PRPSAP1: variants seen among roughly 807,000 people sequenced by gnomAD.
PRPSAP1 encodes phosphoribosyl pyrophosphate synthetase associated protein 1, also known as phosphoribosyl pyrophosphate synthase-associated protein 1.
A neutral mutation model predicts 39.4 loss-of-function variants in PRPSAP1; 31 were observed. The ratio of observed to expected loss-of-function variants is 0.79; its 90% CI spans 0.59 to 1.06. The LOEUF (loss-of-function observed/expected upper bound fraction) is 1.06. Ranked by LOEUF, PRPSAP1 falls within the 50% of genes least tolerant of loss-of-function variation. The probability of loss-of-function intolerance (pLI) is 0.00; values close to 1 mark genes in which losing one functional copy is unlikely to be tolerated. For missense variants in PRPSAP1, 430 were observed against 511.6 expected (o/e 0.84, Z 1.54); for synonymous variants, 212 against 192.6 (o/e 1.10, Z -0.83).
At chr17:76,317,504 C>G (rs557207172) in intron 7 of PRPSAP1, among the ~76,000 whole-genome samples, 1 of 152,282 alleles carries the variant, frequency 6.6e-6, no homozygotes, top group African/African-American at 2.4e-5. Flanking sequence ...GCCTGGGTGA[C>G]AGAACGAGAC....
chr17:76,323,916 C>T (rs1449159798), intron 7 of PRPSAP1, among the ~76,000 whole-genome samples: 2 of 151,594 alleles, frequency 1.3e-5, no homozygotes, highest in African/African-American at 2.4e-5. Context: ...GAGGCCGAGG[C>T]GGGCAGATCA....
intron 2 of PRPSAP1, among the ~76,000 whole-genome samples, chr17:76,348,101 T>G (rs2071529658): frequency 6.6e-6 from 1 of 152,054 alleles, no homozygotes; most frequent in African/African-American, 2.4e-5. Flanking sequence ...GTGGGAAGAC[T>G]GCTTGAGCTC....
intron 4 of PRPSAP1, among the ~76,000 whole-genome samples, chr17:76,331,368 T>C (rs978484060): frequency 3.9e-5 from 6 of 152,232 alleles, no homozygotes; most frequent in Non-Finnish European, 8.8e-5. Flanking sequence ...CATCTGGATC[T>C]ATGGGTTCCA....
intron 3 of PRPSAP1, among the ~76,000 whole-genome samples, chr17:76,339,346 A>G (rs1001433214): frequency 8.6e-5 from 13 of 151,560 alleles, no homozygotes; most frequent in African/African-American, 3.2e-4. Context: ...CAGAGGTTGC[A>G]GTGAGCCGAG....
chr17:76,333,630 G>A (rs139489880), intron 3 of PRPSAP1, among the ~76,000 whole-genome samples: 1 of 151,614 alleles, frequency 6.6e-6, no homozygotes, highest in African/African-American at 2.4e-5. Context: ...GGGCAACAGA[G>A]TGAGGCTCTG....
intron 3 of PRPSAP1, among the ~76,000 whole-genome samples, chr17:76,334,294 C>A (rs1235403826): frequency 6.6e-6 from 1 of 152,224 alleles, no homozygotes; most frequent in South Asian, 2.1e-4. Flanking sequence ...ATCAGCTCTA[C>A]ACTGACACGT....
Position 76,328,785 on chromosome 17 carries a change from A to AT in PRPSAP1, c.712dup (p.Met238AsnfsTer49). 6 of 1,614,178 alleles carry AT rather than the reference A, an allele frequency of 3.7e-6. No homozygotes were observed. In the South Asian group the frequency reaches 5.5e-5, roughly 15 times the overall value. On this transcript the variant is annotated frameshift_variant, in exon 7 of 10. Transcript: ENST00000446526. LOFTEE classifies it high-confidence loss of function. ...AGGCGGGGAGTGACGACCATCGTCC[A>AT]TGTCCAGTTCCGTGCACTGAGCTTC... is the stretch of plus-strand genomic sequence containing the variant.
chr17:76,325,219 C>A lies in PRPSAP1; in HGVS notation c.781+3498G>T, dbSNP rs1244644595. ...GGTCAGGAGATGGAGACCATCCTGG[C>A]TAACTCGGTGAAATGCCGTCTCTAC... On this transcript the variant is annotated intron_variant, in intron 7 of 9. Coordinates refer to ENST00000446526, the MANE Select transcript of PRPSAP1 (RefSeq NM_002766.3). Among the ~76,000 whole-genome samples the A allele has an allele frequency of 5.3e-5, 8 of 151,462 alleles. No homozygotes were observed. In the East Asian group the frequency reaches 1.6e-3, roughly 30 times the overall value.
chr17:76,353,336 C>A (rs1234661771), intron 1 of PRPSAP1, 198 bp downstream of exon 1: 1 of 561,842 alleles, frequency 1.8e-6, no homozygotes, highest in Non-Finnish European at 3.0e-6. Flanking sequence ...ACCGAGAGTC[C>A]GCCCCAAGCC....
intron 6 of PRPSAP1, 30 bp from the exon 7 acceptor site, chr17:76,328,892 G>T: frequency 1.3e-6 from 2 of 1,583,398 alleles, no homozygotes; most frequent in South Asian, 2.3e-5. Flanking sequence ...TGGTGAAACT[G>T]ACAGGAAGAA....
In PRPSAP1 at chr17:76,353,783, G is replaced by T; in HGVS notation, c.-80C>A. ...GCTTCCGACTGCGAGACCCCGGTTT[G>T]GGTGGGGAAGGCGCTGAGAAACTCG... On this transcript the variant is annotated 5_prime_UTR_variant, in exon 1 of 10. Coordinates refer to ENST00000446526, the MANE Select transcript of PRPSAP1 (RefSeq NM_002766.3). The T allele has an allele frequency of 7.2e-7, 1 of 1,393,604 alleles. No homozygotes were observed. The highest frequency in any genetic ancestry group is 1.6e-5 in the South Asian group (1 of 62,986). The allele number at this position is 1,393,604 out of a possible 1,614,324, so 86.3% of individuals were successfully genotyped here.
chr17:76,338,410 T>C (rs1256589072), intron 3 of PRPSAP1, among the ~76,000 whole-genome samples: 1 of 152,088 alleles, frequency 6.6e-6, no homozygotes, highest in Non-Finnish European at 1.5e-5. Context: ...GCAGATAATA[T>C]TAAAAAACCA....
intron 1 of PRPSAP1, among the ~76,000 whole-genome samples, chr17:76,349,220 C>T (rs916617849): frequency 2.0e-5 from 3 of 151,640 alleles, no homozygotes; most frequent in African/African-American, 7.3e-5. Context: ...AGGAGAATTG[C>T]TTGAACCCGG....
At chr17:76,319,745 G>A (rs959764789) in intron 7 of PRPSAP1, among the ~76,000 whole-genome samples, 1 of 151,980 alleles carries the variant, frequency 6.6e-6, no homozygotes, top group Non-Finnish European at 1.5e-5. Context: ...GAGCCACCGT[G>A]CCTGGCCTGA....
chr17:76,328,249 C>T (rs951251086), intron 7 of PRPSAP1, among the ~76,000 whole-genome samples: 2 of 151,198 alleles, frequency 1.3e-5, no homozygotes, highest in African/African-American at 4.9e-5. Flanking sequence ...AACAACAAGA[C>T]AGCATATATC....
At chr17:76,334,206 G>A (rs1465463621) in intron 3 of PRPSAP1, among the ~76,000 whole-genome samples, 1 of 152,180 alleles carries the variant, frequency 6.6e-6, no homozygotes, top group Non-Finnish European at 1.5e-5. Context: ...GGTCAGGACT[G>A]TATCTCCCTT....
At chr17:76,319,198 A>G (rs2071159736) in intron 7 of PRPSAP1, among the ~76,000 whole-genome samples, 1 of 152,046 alleles carries the variant, frequency 6.6e-6, no homozygotes. Flanking sequence ...TCGGCCTCCC[A>G]AAGTGCTGGA....
chr17:76,331,943 T>C (rs2071325976), intron 4 of PRPSAP1, among the ~76,000 whole-genome samples: 3 of 151,846 alleles, frequency 2.0e-5, no homozygotes, highest in African/African-American at 7.3e-5. Context: ...GATATAGAAA[T>C]CTAGACCTGA....
chr17:76,347,584 T>C lies in PRPSAP1; in HGVS notation c.223+945A>G, dbSNP rs977885417. ...GCCAAGGGGCCAGGACTTGCAGGAC[T>C]CTGGATTTCATTTCTTACTCGCTGA... is the stretch of plus-strand genomic sequence containing the variant. On this transcript the variant is annotated intron_variant, in intron 2 of 9. Transcript: ENST00000446526. 2.0e-5 allele frequency among the ~76,000 whole-genome samples: 3 copies of C among 149,424 alleles called. No homozygotes were observed. In the Admixed American group the frequency reaches 2.0e-4, roughly 10 times the overall value.
Sources: allele counts gnomAD v4.1 joint callset (sites outside exome capture counted in the v4.1 genomes callset), GRCh38; gene constraint gnomAD v4.1.1; transcripts MANE v1.5; gene names NCBI Gene and HGNC (gene_info 2026-07-23, HGNC 2026-07-21).